The following HORMAD2 variants were observed in gnomAD, a reference collection of about 807,000 sequenced individuals.
HORMAD2 encodes the protein HORMA domain containing 2.
Under a neutral mutation model 38.8 loss-of-function variants are expected in HORMAD2, and 45 were observed. The observed-to-expected ratio is 1.16, with a 90% confidence interval of 0.91 to 1.49. The LOEUF (loss-of-function observed/expected upper bound fraction) is 1.49, where lower values mean the gene tolerates loss of function less well. HORMAD2 is among the 40% of genes most tolerant of loss of function. HORMAD2 has a pLI of 0.00. For missense variants in HORMAD2, 338 were observed against 367.0 expected (o/e 0.92, Z 0.65); for synonymous variants, 126 against 122.8 (o/e 1.03, Z -0.17).
intron 10 of HORMAD2, among the ~76,000 whole-genome samples, chr22:30,129,707 A>G (rs1251967212): frequency 6.6e-6 from 1 of 151,806 alleles, no homozygotes; most frequent in East Asian, 1.9e-4. Context: ...ATGCACTCTC[A>G]CTACATTGCC....
At chr22:30,200,013 T>A in the HORMAD2 span, among the ~76,000 whole-genome samples, 1 of 152,052 alleles carries the variant, frequency 6.6e-6, no homozygotes, top group Non-Finnish European at 1.5e-5. Flanking sequence ...GCCTCCTGGG[T>A]TCAAGTGATA....
chr22:30,119,095 T>A, intron 8 of HORMAD2, 48 bp downstream of exon 8: 1 of 1,316,950 alleles, frequency 7.6e-7, no homozygotes, highest in South Asian at 1.3e-5. Flanking sequence ...AGGATTGAGG[T>A]AAACATAAGC....
chr22:30,186,221 T>C, the HORMAD2 span, among the ~76,000 whole-genome samples: 1 of 152,158 alleles, frequency 6.6e-6, no homozygotes, highest in Non-Finnish European at 1.5e-5. Context: ...AACAAGAGAT[T>C]TGGAGTTTCC....
downstream of HORMAD2, among the ~76,000 whole-genome samples, chr22:30,181,785 C>G (rs1926731775): frequency 6.6e-6 from 1 of 152,206 alleles, no homozygotes; most frequent in African/African-American, 2.4e-5. Context: ...TCCCCCAATG[C>G]TCTAGCAAAT....
chr22:30,127,484 G>A (rs1922965890), intron 10 of HORMAD2, among the ~76,000 whole-genome samples: 1 of 152,108 alleles, frequency 6.6e-6, no homozygotes, highest in African/African-American at 2.4e-5. Context: ...TGGGATTACA[G>A]GTGTGAACCA....
At chr22:30,121,023 T>G (rs1239734134) in intron 8 of HORMAD2, among the ~76,000 whole-genome samples, 1 of 152,142 alleles carries the variant, frequency 6.6e-6, no homozygotes, top group Non-Finnish European at 1.5e-5. Flanking sequence ...AGTAAGAAGG[T>G]GACATGAACA....
At chr22:30,142,086 C>T (rs1165603804) in intron 10 of HORMAD2, among the ~76,000 whole-genome samples, 1 of 151,814 alleles carries the variant, frequency 6.6e-6, no homozygotes, top group Non-Finnish European at 1.5e-5. Flanking sequence ...CCAGTCTCTA[C>T]AAAAAAACAA....
At chr22:30,174,463 A>C (rs1442306727) in intron 10 of HORMAD2, among the ~76,000 whole-genome samples, 2 of 152,194 alleles carry the variant, frequency 1.3e-5, no homozygotes, top group Non-Finnish European at 2.9e-5. Flanking sequence ...TCAGCCCACA[A>C]ATTTTCTATG....
At chr22:30,143,762 T>C (rs764704249) in intron 10 of HORMAD2, among the ~76,000 whole-genome samples, 2 of 152,140 alleles carry the variant, frequency 1.3e-5, no homozygotes, top group Non-Finnish European at 2.9e-5. Flanking sequence ...CATGTTGAAA[T>C]GTAACTGGAG....
At chr22:30,132,292 A>G (rs950974531) in intron 10 of HORMAD2, among the ~76,000 whole-genome samples, 4 of 152,122 alleles carry the variant, frequency 2.6e-5, no homozygotes, top group Non-Finnish European at 4.4e-5. Flanking sequence ...AAAAAAACAC[A>G]CACATCAGGC....
At chr22:30,111,170 GA>G (rs1921619949) in intron 5 of HORMAD2, among the ~76,000 whole-genome samples, 1 of 133,650 alleles carries the variant, frequency 7.5e-6, no homozygotes, top group African/African-American at 2.7e-5. Context: ...AAAAAAAAAA[GA>G]AAGAAAGAAA....
chr22:30,129,231 A>C (rs1923099706), intron 10 of HORMAD2, among the ~76,000 whole-genome samples: 1 of 68,150 alleles, frequency 1.5e-5, no homozygotes, highest in Admixed American at 1.9e-4. Flanking sequence ...AAAAAAAAAA[A>C]AAAAAAAAAA....
At chr22:30,134,231 G>A (rs1316961537) in intron 10 of HORMAD2, among the ~76,000 whole-genome samples, 1 of 150,846 alleles carries the variant, frequency 6.6e-6, no homozygotes, top group Non-Finnish European at 1.5e-5. Flanking sequence ...AACCCTGTCT[G>A]TACCAAAAAT....
rs1384374961 is a variant in HORMAD2 at position 30,150,384 on chromosome 22, A to G, written c.820-25679A>G. Among the ~76,000 whole-genome samples, 3 of 151,960 alleles carry G rather than the reference A, an allele frequency of 2.0e-5. 1 individual carries two copies. The highest frequency in any genetic ancestry group is 2.0e-4 in the Admixed American group (3 of 15,274). On this transcript the variant is annotated intron_variant, in intron 10 of 10. Coordinates refer to ENST00000336726, the MANE Select transcript of HORMAD2 (RefSeq NM_152510.4). ...TTTTTATGGCATCCTGTTCTTGCTC[A>G]TGGTTACAGAATTGTCTCTTATGTC...
intron 3 of HORMAD2, 54 bp downstream of exon 3, chr22:30,099,047 G>A: frequency 6.0e-6 from 9 of 1,503,570 alleles, no homozygotes; most frequent in Non-Finnish European, 8.1e-6. Flanking sequence ...TCTCTATTTA[G>A]CAGGAATAAA....
chr22:30,128,659 G>C (rs1292989962), intron 10 of HORMAD2, among the ~76,000 whole-genome samples: 1 of 152,086 alleles, frequency 6.6e-6, no homozygotes, highest in Non-Finnish European at 1.5e-5. Context: ...TCATTTTCCA[G>C]AAGCTGCCAG....
the HORMAD2 span, among the ~76,000 whole-genome samples, chr22:30,203,599 A>G: frequency 1.3e-5 from 2 of 151,622 alleles, no homozygotes; most frequent in African/African-American, 2.4e-5. Flanking sequence ...ACATACATTC[A>G]CCCTTCCGGC....
chr22:30,123,862 G>T lies in HORMAD2; in HGVS notation c.819+1648G>T, dbSNP rs536330966. Reference sequence around the variant, plus strand: ...ATTTTTTATTTTTTTTAGAGACAGGGTCTCCCTATGTTGTCCAGGCTGATC... The same window carrying T: ...ATTTTTTATTTTTTTTAGAGACAGGTTCTCCCTATGTTGTCCAGGCTGATC... On this transcript the variant is annotated intron_variant, in intron 10 of 10. Transcript: ENST00000336726. Among the ~76,000 whole-genome samples, 6 of 151,570 alleles carry T rather than the reference G, an allele frequency of 4.0e-5. No homozygotes were observed. In the East Asian group the frequency reaches 1.2e-3, roughly 29 times the overall value.
intron 10 of HORMAD2, among the ~76,000 whole-genome samples, chr22:30,133,069 G>A (rs1923397614): frequency 6.6e-6 from 1 of 152,056 alleles, no homozygotes; most frequent in Non-Finnish European, 1.5e-5. Flanking sequence ...CAAAATCAAT[G>A]AAATATTAGG....
Sources: gnomAD v4.1 joint callset for allele counts (sites outside exome capture counted in the v4.1 genomes callset) on GRCh38, gnomAD v4.1.1 for gene constraint, MANE v1.5 for transcripts, NCBI Gene and HGNC (gene_info 2026-07-23, HGNC 2026-07-21) for gene names.